SIDT1: variants seen among roughly 807,000 people sequenced by gnomAD.
The protein encoded by SIDT1 is SID1 transmembrane family, member 1.
In SIDT1, 101 loss-of-function variants were observed where a neutral mutation model predicts 107.5. The ratio of observed to expected loss-of-function variants is 0.94; its 90% confidence interval spans 0.80 to 1.11. The LOEUF is 1.11. Among genes scored for constraint, SIDT1 ranks in the 50% least tolerant of loss-of-function variants. SIDT1 has a pLI of 0.00. For synonymous variants in SIDT1, 395 were observed against 398.2 expected (o/e 0.99, Z 0.10); for missense variants, 1,076 against 1,058.2 (o/e 1.02, Z -0.23).
intron 1 of SIDT1, among the ~76,000 whole-genome samples, chr3:113,549,606 T>C (rs1042430058): frequency 7.9e-5 from 12 of 152,222 alleles, no homozygotes; most frequent in African/African-American, 2.9e-4. Flanking sequence ...GTTTTATTCA[T>C]TATTGTTGAG....
At chr3:113,576,161 T>G (rs1942882926) in intron 3 of SIDT1, among the ~76,000 whole-genome samples, 1 of 152,234 alleles carries the variant, frequency 6.6e-6, no homozygotes. Context: ...GCTTCCTAAC[T>G]CTTCACACTC....
At chr3:113,544,943 C>T (rs577621050) in intron 1 of SIDT1, among the ~76,000 whole-genome samples, 2 of 151,876 alleles carry the variant, frequency 1.3e-5, no homozygotes, top group South Asian at 2.1e-4. Context: ...GGCAAAACCC[C>T]GTCTCTACTA....
intron 1 of SIDT1, among the ~76,000 whole-genome samples, chr3:113,542,995 G>A (rs1363794052): frequency 6.6e-6 from 1 of 151,762 alleles, no homozygotes; most frequent in Admixed American, 6.6e-5. Flanking sequence ...AGGCTGGAGT[G>A]CAGTGGCGCG....
intron 14 of SIDT1, 70 bp from the exon 15 acceptor site, chr3:113,606,971 T>C (rs749949157): frequency 8.1e-5 from 79 of 969,874 alleles, no homozygotes; most frequent in Non-Finnish European, 1.3e-4. Flanking sequence ...CTGTCTGCTC[T>C]TTGTGTTCCT....
At chr3:113,619,327 T>C (rs1946306520) in intron 20 of SIDT1, among the ~76,000 whole-genome samples, 1 of 152,168 alleles carries the variant, frequency 6.6e-6, no homozygotes, top group East Asian at 1.9e-4. Flanking sequence ...AATTACATAG[T>C]ACCAGTGACA....
chr3:113,580,767 A>G, intron 5 of SIDT1, 58 bp downstream of exon 5: 1 of 1,096,890 alleles, frequency 9.1e-7, no homozygotes, highest in East Asian at 2.4e-5. Flanking sequence ...TTCCAGAACA[A>G]ATGAAAGAGA....
At chr3:113,577,401 T>C (rs180721323) in intron 4 of SIDT1, among the ~76,000 whole-genome samples, 2 of 152,296 alleles carry the variant, frequency 1.3e-5, no homozygotes, top group East Asian at 1.9e-4. Context: ...AAATAATTAA[T>C]TGACCTGGAA....
At chr3:113,540,739 A>G (rs1209859705) in intron 1 of SIDT1, among the ~76,000 whole-genome samples, 1 of 152,212 alleles carries the variant, frequency 6.6e-6, no homozygotes, top group Non-Finnish European at 1.5e-5. Flanking sequence ...AACCATTAAA[A>G]AATTTATAAG....
At chr3:113,563,872 G>T (rs909318526) in intron 1 of SIDT1, among the ~76,000 whole-genome samples, 2 of 152,216 alleles carry the variant, frequency 1.3e-5, no homozygotes, top group East Asian at 3.9e-4. Context: ...AGAAGGCTTC[G>T]TGACTTAGAG....
At chr3:113,607,695 A>G (rs1335273197) in intron 15 of SIDT1, among the ~76,000 whole-genome samples, 3 of 152,200 alleles carry the variant, frequency 2.0e-5, no homozygotes, top group African/African-American at 4.8e-5. Flanking sequence ...CTTACCTGAA[A>G]TTCACAATTA....
chr3:113,596,463 T>G (rs772334244), intron 10 of SIDT1, among the ~76,000 whole-genome samples: 4 of 152,194 alleles, frequency 2.6e-5, no homozygotes, highest in Non-Finnish European at 5.9e-5. Context: ...CTTCATGGGA[T>G]GAAGAAGAAG....
At chr3:113,583,541 G>A (rs1004973153) in intron 7 of SIDT1, 45 bp downstream of exon 7, 2 of 1,430,748 alleles carry the variant, frequency 1.4e-6, no homozygotes, top group Non-Finnish European at 1.9e-6. Flanking sequence ...AAAACCTGAA[G>A]GAAGGGAGTG....
chr3:113,620,400 TG>T (rs1946390276), intron 21 of SIDT1, among the ~76,000 whole-genome samples: 2 of 152,232 alleles, frequency 1.3e-5, no homozygotes, highest in African/African-American at 4.8e-5. Flanking sequence ...TACAGTTGAA[TG>T]AGTAAAATAT....
chr3:113,544,343 A>G (rs1939318784), intron 1 of SIDT1, among the ~76,000 whole-genome samples: 1 of 152,086 alleles, frequency 6.6e-6, no homozygotes, highest in African/African-American at 2.4e-5. Flanking sequence ...GGCGCACACA[A>G]CCACGCCCAG....
At chr3:113,605,069 G>T in intron 14 of SIDT1, 93 bp downstream of exon 14, 2 of 1,366,900 alleles carry the variant, frequency 1.5e-6, no homozygotes, top group Non-Finnish European at 2.1e-6. Flanking sequence ...TACAACTTAG[G>T]ATCCATTCAG....
chr3:113,582,190 G>T (rs906297058), intron 6 of SIDT1, among the ~76,000 whole-genome samples: 24 of 152,242 alleles, frequency 1.6e-4, no homozygotes, highest in African/African-American at 4.3e-4. Context: ...TATGATATTT[G>T]TAATTATTAT....
At chr3:113,619,658 T>C in intron 20 of SIDT1, 22 bp from the exon 21 acceptor site, 1 of 1,612,402 alleles carries the variant, frequency 6.2e-7, no homozygotes, top group Non-Finnish European at 8.5e-7. Context: ...TCTCATTTGA[T>C]GTTTTCTTTC....
intron 1 of SIDT1, among the ~76,000 whole-genome samples, chr3:113,552,672 G>C (rs1336347158): frequency 6.6e-6 from 1 of 152,052 alleles, no homozygotes; most frequent in East Asian, 1.9e-4. Context: ...CACTAGATAT[G>C]GTCACCCCTG....
intron 10 of SIDT1, among the ~76,000 whole-genome samples, chr3:113,597,316 G>A (rs1194147516): frequency 6.6e-6 from 1 of 151,940 alleles, no homozygotes; most frequent in African/African-American, 2.4e-5. Context: ...GGCCAACATT[G>A]TGAAACCCTG....
Sources: gnomAD v4.1 joint callset for allele counts (sites outside exome capture counted in the v4.1 genomes callset) on GRCh38, gnomAD v4.1.1 for gene constraint, MANE v1.5 for transcripts, NCBI Gene and HGNC (gene_info 2026-07-23, HGNC 2026-07-21) for gene names.